The following PHB1 variants were observed in gnomAD, a reference collection of about 807,000 sequenced individuals.
PHB1 encodes prohibitin 1, also known as epididymis luminal protein 215.
the PHB1 span, chr17:49,404,121 C>T: frequency 6.6e-6 from 1 of 152,666 alleles, no homozygotes; most frequent in Non-Finnish European, 1.5e-5. Context: ...CCAGTGCAGG[C>T]ATAGAGCCCG....
the PHB1 span, chr17:49,413,150 G>A: frequency 6.5e-7 from 1 of 1,530,292 alleles, no homozygotes; most frequent in Non-Finnish European, 9.0e-7. Flanking sequence ...GGAAAGTGCA[G>A]TGACCCACTG....
At chr17:49,413,482 C>CT in the PHB1 span, among the ~76,000 whole-genome samples, 117 of 134,608 alleles carry the variant, frequency 8.7e-4, no homozygotes, top group East Asian at 1.9e-3. Flanking sequence ...AATTCTTCTG[C>CT]TTTTTTTTTT....
the PHB1 span, among the ~76,000 whole-genome samples, chr17:49,408,430 G>A: frequency 6.6e-6 from 1 of 152,210 alleles, no homozygotes; most frequent in African/African-American, 2.4e-5. Flanking sequence ...AACCTGAAAC[G>A]CTATCCTGCC....
At chr17:49,404,726 T>C in the PHB1 span, 3 of 491,024 alleles carry the variant, frequency 6.1e-6, no homozygotes, top group Non-Finnish European at 1.1e-5. Context: ...AGGCCCCGAA[T>C]TGGGACCTAA....
chr17:49,408,877 A>C, the PHB1 span: 2 of 597,826 alleles, frequency 3.3e-6, no homozygotes, highest in African/African-American at 3.7e-5. Flanking sequence ...CCCTCAACTG[A>C]AAAACCCACG....
chr17:49,413,898 G>C, the PHB1 span, among the ~76,000 whole-genome samples: 1 of 152,196 alleles, frequency 6.6e-6, no homozygotes, highest in East Asian at 1.9e-4. Context: ...GAAATCCACA[G>C]AGAACTTAGC....
At chr17:49,411,668 C>T in the PHB1 span, 3 of 1,612,604 alleles carry the variant, frequency 1.9e-6, no homozygotes, top group Non-Finnish European at 2.5e-6. Context: ...GAACCATAGG[C>T]AAGACTCACC....
chr17:49,408,958 A>G, the PHB1 span: 2 of 809,440 alleles, frequency 2.5e-6, no homozygotes, highest in Non-Finnish European at 4.1e-6. Flanking sequence ...GGGAGGACCT[A>G]ATAGCGTCTA....
chr17:49,410,075 G>A, the PHB1 span, among the ~76,000 whole-genome samples: 3 of 150,048 alleles, frequency 2.0e-5, no homozygotes, highest in African/African-American at 7.4e-5. Context: ...TAGAGCTGGG[G>A]TTTCGCCATA....
the PHB1 span, among the ~76,000 whole-genome samples, chr17:49,411,468 G>A: frequency 6.6e-6 from 1 of 152,240 alleles, no homozygotes; most frequent in Admixed American, 6.5e-5. Context: ...AAAGTGCTGG[G>A]ATTACAGGCA....
At chr17:49,405,073 G>A in the PHB1 span, 1 of 1,607,054 alleles carries the variant, frequency 6.2e-7, no homozygotes, top group South Asian at 1.1e-5. Context: ...GGTACGCGAT[G>A]TCCTCTGCAG....
the PHB1 span, among the ~76,000 whole-genome samples, chr17:49,409,811 C>T: frequency 6.6e-6 from 1 of 152,078 alleles, no homozygotes; most frequent in Non-Finnish European, 1.5e-5. Flanking sequence ...GCTGGGATTA[C>T]AGGTGTGAGC....
chr17:49,406,692 C>T, the PHB1 span: 1 of 1,132,928 alleles, frequency 8.8e-7, no homozygotes, highest in Non-Finnish European at 1.3e-6. Context: ...GGCCACCCAG[C>T]AAATGGGGAA....
At chr17:49,409,306 A>G in the PHB1 span, 1 of 1,613,946 alleles carries the variant, frequency 6.2e-7, no homozygotes, top group Non-Finnish European at 8.5e-7. Context: ...TCTGGGCTCG[A>G]GGCTAAAGGC....
At chr17:49,407,083 C>T in the PHB1 span, 32,029 of 535,616 alleles carry the variant, frequency 0.06, 1,334 homozygotes, top group South Asian at 0.11. Context: ...ACTCTCAGTA[C>T]AGTGACCTCA....
At chr17:49,404,944 C>G in the PHB1 span, 2 of 1,258,030 alleles carry the variant, frequency 1.6e-6, no homozygotes, top group South Asian at 2.6e-5. Flanking sequence ...TAAGAATCAT[C>G]GGGGCTGTGG....
chr17:49,411,346 A>AC, the PHB1 span, among the ~76,000 whole-genome samples: 24 of 151,136 alleles, frequency 1.6e-4, no homozygotes, highest in South Asian at 8.4e-4. Context: ...GATTACAGGC[A>AC]CCCCCCACCA....
chr17:49,406,103 T>C, the PHB1 span, among the ~76,000 whole-genome samples: 14 of 152,356 alleles, frequency 9.2e-5, no homozygotes, highest in South Asian at 2.9e-3. Context: ...AGACTTATTA[T>C]AATCTCTGAA....
chr17:49,411,804 A>G, the PHB1 span: 1 of 1,614,192 alleles, frequency 6.2e-7, no homozygotes, highest in Non-Finnish European at 8.5e-7. Flanking sequence ...ACTCCACGGA[A>G]TCGGTCAAAG....
Sources: allele counts gnomAD v4.1 joint callset (sites outside exome capture counted in the v4.1 genomes callset), GRCh38; gene constraint gnomAD v4.1.1; transcripts MANE v1.5; gene names NCBI Gene and HGNC (gene_info 2026-07-23, HGNC 2026-07-21).